The following RPS11 variants were observed in gnomAD, a reference collection of about 807,000 sequenced individuals.
RPS11 encodes small ribosomal subunit protein uS17.
For synonymous variants in RPS11, 107 were observed against 78.0 expected, an observed-to-expected ratio of 1.37 and a Z score of -1.96; for missense variants, 127 against 211.4, an observed-to-expected ratio of 0.60 and a Z score of 2.48.
chr19:49,497,443 C>T, intron 2 of RPS11, 77 bp from the exon 3 acceptor site: 2 of 1,593,020 alleles, frequency 1.3e-6, no homozygotes, highest in Non-Finnish European at 1.7e-6. Context: ...GTAGTTGCTT[C>T]CCTGAGGCCA....
Position 49,497,271 on chromosome 19 carries a change from G to C in RPS11, c.93G>C (p.Glu31Asp), listed in dbSNP as rs373077864. The C allele has an allele frequency of 1.1e-5, 17 of 1,614,030 alleles. No individual in the cohort carries two copies. Among genetic ancestry groups the C allele is most frequent in the African/African-American group, 5.3e-5 (4 of 74,906 alleles). ...TCCTGCTGGGAGAAACTGGCAAGGA[G>C]AAGCTCCCGCGGTACTACAAGAACA... ...KRVLLGETGK[E>D]KLPRYYKNIG... Residue 31 changes from glutamate (E) to aspartate (D), a missense_variant, in exon 2 of 5, where the codon GAG (glutamate) becomes GAC (aspartate). Transcript: ENST00000270625.
chr19:49,498,115 A>G (rs1273774068), intron 4 of RPS11, 69 bp downstream of exon 4: 1 of 1,565,806 alleles, frequency 6.4e-7, no homozygotes, highest in East Asian at 2.2e-5. Context: ...GATCGGACCA[A>G]TTTAAGGCCA....
At chr19:49,497,895 T>C in intron 3 of RPS11, 22 bp from the exon 4 acceptor site, 2 of 1,614,076 alleles carry the variant, frequency 1.2e-6, no homozygotes, top group Non-Finnish European at 1.7e-6. Flanking sequence ...GGACCTGACC[T>C]ATGATCGGCC....
At chr19:49,497,469 T>G in intron 2 of RPS11, 51 bp from the exon 3 acceptor site, 1 of 1,606,142 alleles carries the variant, frequency 6.2e-7, no homozygotes, top group Admixed American at 1.7e-5. Flanking sequence ...CTGGCTCTTT[T>G]AAGGAACCGC....
At chr19:49,499,401 G>A in intron 4 of RPS11, 111 bp from the exon 5 acceptor site, 4 of 1,229,416 alleles carry the variant, frequency 3.3e-6, no homozygotes, top group Non-Finnish European at 4.6e-6. Context: ...CTTGGTTGGG[G>A]TTTGGTGGAG....
intron 1 of RPS11, among the ~76,000 whole-genome samples, chr19:49,496,951 T>C (rs1387088259): frequency 6.6e-6 from 1 of 152,126 alleles, no homozygotes; most frequent in Non-Finnish European, 1.5e-5. Context: ...TTGCAATCCC[T>C]GAGAGGCCTT....
intron 1 of RPS11, 32 bp downstream of exon 1, chr19:49,496,503 G>T (rs770539030): frequency 3.7e-6 from 6 of 1,603,954 alleles, no homozygotes; most frequent in Non-Finnish European, 4.3e-6. Flanking sequence ...CCAGGGTGCG[G>T]GGTCCGCCTT....
Position 49,497,608 on chromosome 19 carries a change from G to C in RPS11, c.223+13G>C. 1 of 1,610,530 alleles carries C rather than the reference G, an allele frequency of 6.2e-7. No individual in the cohort carries two copies. Among genetic ancestry groups the C allele is most frequent in the South Asian group, 1.1e-5 (1 of 91,004 alleles). On this transcript the variant is annotated intron_variant, in intron 3 of 4. Transcript: ENST00000270625. ...CGGATCCTCTCTGGTAAGTGCGGGAGTTACTGGTGTCTGGGGCCTGAAATA... is the reference window on the plus strand; with the variant it reads ...CGGATCCTCTCTGGTAAGTGCGGGACTTACTGGTGTCTGGGGCCTGAAATA...
chr19:49,496,579 T>C, intron 1 of RPS11, 108 bp downstream of exon 1: 1 of 1,203,444 alleles, frequency 8.3e-7, no homozygotes, highest in Non-Finnish European at 1.2e-6. Context: ...ATTCCGGGCG[T>C]CCGTGATTAT....
chr19:49,496,446 C>A lies in RPS11; in HGVS notation c.-11C>A, dbSNP rs780421769. The A allele has an allele frequency of 6.6e-5, 106 of 1,611,806 alleles. 1 individual carries two copies. The highest frequency in any genetic ancestry group is 8.7e-5 in the Non-Finnish European group (103 of 1,179,138). On this transcript the variant is annotated 5_prime_UTR_variant, in exon 1 of 5. Transcript: ENST00000270625. Reference sequence around the variant, plus strand: ...CTGCTGCCCCTTTCTTTTTTTCAGGCGGCCGGGAAGATGGCGGACATTCAG... The same window carrying A: ...CTGCTGCCCCTTTCTTTTTTTCAGGAGGCCGGGAAGATGGCGGACATTCAG...
In RPS11 at chr19:49,497,588, C is replaced by T. The variant is rs1159409401; in HGVS notation, c.216C>T (p.Ile72=). ...GTAATGTGTCCATTCGAGGGCGGAT[C>T]CTCTCTGGTAAGTGCGGGAGTTACT... is the stretch of plus-strand genomic sequence containing the variant. ...FTGNVSIRGR[I]LSGVVTKMKM... The change falls in exon 3 of 5, where the codon ATC becomes ATT. Residue 72 remains isoleucine, a synonymous_variant. Transcript: ENST00000270625. 5.6e-6 allele frequency: 9 copies of T among 1,613,806 alleles called. No homozygotes were observed. The highest frequency in any genetic ancestry group is 7.6e-6 in the Non-Finnish European group (9 of 1,179,762).
At chr19:49,496,618 G>T in intron 1 of RPS11, 147 bp downstream of exon 1, 2 of 845,318 alleles carry the variant, frequency 2.4e-6, no homozygotes, top group Admixed American at 2.7e-5. Flanking sequence ...AGTGGAGGGC[G>T]CTTGCTTTTG....
At chr19:49,497,354 G>A (rs753309734) in intron 2 of RPS11, 29 bp downstream of exon 2, 12 of 1,613,398 alleles carry the variant, frequency 7.4e-6, no homozygotes, top group Non-Finnish European at 1.0e-5. Flanking sequence ...GAAAGAAGGG[G>A]AACCTGGCGT....
rs2079912972 is a variant in RPS11 at position 49,497,545 on chromosome 19, A to G, written c.173A>G (p.Lys58Arg). The change falls in exon 3 of 5, where the codon AAG becomes AGG. Residue 58 changes from lysine to arginine, a missense_variant. Physicochemically the swap from Lys to Arg is conservative, Grantham distance 26. Coordinates refer to ENST00000270625, the MANE Select transcript of RPS11 (RefSeq NM_001015.5). ...GCTATTGAGGGCACCTACATTGACA[A>G]GAAATGCCCCTTCACTGGTAATGTG... ...KEAIEGTYIDKKCPFTGNVSI... is the reference protein window; with the variant it reads ...KEAIEGTYIDRKCPFTGNVSI... 6.2e-7 allele frequency: 1 copy of G among 1,613,954 alleles called. No individual in the cohort carries two copies.
At chr19:49,496,543 A>T (rs571005906) in intron 1 of RPS11, 72 bp downstream of exon 1, 1 of 1,497,350 alleles carries the variant, frequency 6.7e-7, no homozygotes, top group South Asian at 1.2e-5. Flanking sequence ...GGGAGGGCAG[A>T]GCCCGGCGGC....
intron 1 of RPS11, among the ~76,000 whole-genome samples, chr19:49,496,965 G>A (rs1424390797): frequency 3.9e-5 from 6 of 152,074 alleles, no homozygotes; most frequent in African/African-American, 1.4e-4. Flanking sequence ...AGGCCTTCTG[G>A]AGTATATAAA....
chr19:49,496,533 G>A lies in RPS11; in HGVS notation c.15+62G>A, dbSNP rs750581646. On this transcript the variant is annotated intron_variant, in intron 1 of 4. Coordinates refer to ENST00000270625, the MANE Select transcript of RPS11 (RefSeq NM_001015.5). Reference sequence around the variant, plus strand: ...CGCCTTGGCCTTCAGGGGCGCGTCCGGGAGGGCAGAGCCCGGCGGCCAAGT... The same window carrying A: ...CGCCTTGGCCTTCAGGGGCGCGTCCAGGAGGGCAGAGCCCGGCGGCCAAGT... 3.9e-6 allele frequency: 6 copies of A among 1,531,098 alleles called. No individual in the cohort carries two copies. In the African/African-American group the frequency reaches 5.7e-5, roughly 15 times the overall value. The allele number at this position is 1,531,098 out of a possible 1,614,324, so 94.8% of individuals were successfully genotyped here.
chr19:49,498,126 A>T (rs8108814), intron 4 of RPS11, 80 bp downstream of exon 4: 2 of 1,507,874 alleles, frequency 1.3e-6, no homozygotes, highest in African/African-American at 1.4e-5. Flanking sequence ...TTTAAGGCCA[A>T]CTGAGGGAGG....
At chr19:49,497,080 T>C (rs951319460) in intron 1 of RPS11, 114 bp from the exon 2 acceptor site, 14 of 1,309,592 alleles carry the variant, frequency 1.1e-5, no homozygotes, top group Non-Finnish European at 1.2e-5. Context: ...ACGCCGGCGC[T>C]TTGCAAGTAA....
Sources: gnomAD v4.1 joint callset for allele counts (sites outside exome capture counted in the v4.1 genomes callset) on GRCh38, gnomAD v4.1.1 for gene constraint, MANE v1.5 for transcripts, NCBI Gene and HGNC (gene_info 2026-07-23, HGNC 2026-07-21) for gene names.